The following KDM4C variants were observed in gnomAD, a reference collection of about 807,000 sequenced individuals.
KDM4C encodes the protein lysine-specific demethylase 4C.
A neutral mutation model predicts 129.3 loss-of-function variants in KDM4C; 81 were observed. The ratio of observed to expected loss-of-function variants is 0.63; its 90% CI spans 0.52 to 0.75. KDM4C has a LOEUF of 0.75. KDM4C is among the 30% of genes least tolerant of loss of function. The pLI is 0.00. For missense variants in KDM4C, 1,457 were observed against 1,304.0 expected, an observed-to-expected ratio of 1.12 and a Z score of -1.81; for synonymous variants, 573 against 456.1, an observed-to-expected ratio of 1.26 and a Z score of -3.26.
intron 12 of KDM4C, among the ~76,000 whole-genome samples, chr9:7,003,185 A>G (rs1025990422): frequency 6.6e-6 from 1 of 152,046 alleles, no homozygotes; most frequent in Non-Finnish European, 1.5e-5. Flanking sequence ...AACACTAACA[A>G]CCTCCCAAAA....
At chr9:7,041,988 C>G (rs1381747152) in intron 15 of KDM4C, among the ~76,000 whole-genome samples, 5 of 152,012 alleles carry the variant, frequency 3.3e-5, no homozygotes, top group African/African-American at 9.7e-5. Context: ...TTATTCATCA[C>G]AGATCCATAT....
upstream of KDM4C, chr9:6,757,836 C>T: frequency 5.1e-6 from 5 of 985,634 alleles, no homozygotes; most frequent in South Asian, 1.4e-4. Context: ...CGCCAGCAAG[C>T]CTAAGTTAAC....
At chr9:7,153,738 C>A (rs1437381010) in intron 19 of KDM4C, among the ~76,000 whole-genome samples, 1 of 152,156 alleles carries the variant, frequency 6.6e-6, no homozygotes, top group Non-Finnish European at 1.5e-5. Flanking sequence ...TTAGCCTGTA[C>A]AGAAATTTAG....
intron 2 of KDM4C, among the ~76,000 whole-genome samples, chr9:6,803,100 A>C (rs927246111): frequency 6.6e-6 from 1 of 152,222 alleles, no homozygotes; most frequent in African/African-American, 2.4e-5. Context: ...CTCTTGGGCA[A>C]TAGGGAAGAT....
chr9:7,046,703 G>A (rs1407858), intron 15 of KDM4C, among the ~76,000 whole-genome samples, 159 bp from the exon 16 acceptor site: 17,630 of 151,854 alleles, frequency 0.12, 1,324 homozygotes, highest in African/African-American at 0.19. Flanking sequence ...CCCCTCCGCT[G>A]TCTTTCTTTT....
intron 8 of KDM4C, among the ~76,000 whole-genome samples, chr9:6,927,568 C>T (rs1303375055): frequency 6.6e-6 from 1 of 152,102 alleles, no homozygotes; most frequent in Non-Finnish European, 1.5e-5. Context: ...GGACTTGCTC[C>T]CCAAAAGAAG....
chr9:6,866,932 T>C (rs1345875009), intron 5 of KDM4C, among the ~76,000 whole-genome samples: 2 of 146,848 alleles, frequency 1.4e-5, no homozygotes, highest in Non-Finnish European at 3.0e-5. Flanking sequence ...TAGAAAAATG[T>C]ATGTAAAAAT....
At chr9:6,839,898 A>G (rs962647381) in intron 4 of KDM4C, among the ~76,000 whole-genome samples, 1 of 146,980 alleles carries the variant, frequency 6.8e-6, no homozygotes, top group African/African-American at 2.5e-5. Flanking sequence ...GTGAGACTCC[A>G]TCTCAAAAAA....
rs1226958235 is a variant in KDM4C, at chr9:7,157,487, G to A, written c.2782-7751G>A. 2.6e-5 allele frequency among the ~76,000 whole-genome samples: 4 copies of A among 152,106 alleles called. No individual in the cohort carries two copies. In the East Asian group the frequency reaches 7.7e-4, roughly 29 times the overall value. ...TCCATTCATTATGATATTGGCTGTG[G>A]GTTTGTCATAGATAGCTCTTATTAT... On this transcript the variant is annotated intron_variant, in intron 19 of 21. Coordinates refer to ENST00000381309, the MANE Select transcript of KDM4C (RefSeq NM_015061.6).
intron 4 of KDM4C, chr9:6,835,198 A>G (rs552064483): frequency 5.0e-5 from 46 of 921,804 alleles, no homozygotes; most frequent in Admixed American, 3.4e-4. Flanking sequence ...GGTCATCACC[A>G]TCGGCAACGA....
At chr9:6,847,105 A>G (rs1409436807) in intron 4 of KDM4C, among the ~76,000 whole-genome samples, 1 of 152,198 alleles carries the variant, frequency 6.6e-6, no homozygotes, top group Non-Finnish European at 1.5e-5. Flanking sequence ...TCAGTCAGAA[A>G]TAAAACTTAG....
intron 17 of KDM4C, among the ~76,000 whole-genome samples, chr9:7,065,435 C>T (rs1167472610): frequency 6.6e-6 from 1 of 151,838 alleles, no homozygotes; most frequent in Non-Finnish European, 1.5e-5. Flanking sequence ...CCATCTGTTG[C>T]TTATAATTGA....
intron 4 of KDM4C, among the ~76,000 whole-genome samples, chr9:6,815,718 G>A (rs1052287155): frequency 6.6e-6 from 1 of 152,150 alleles, no homozygotes; most frequent in Non-Finnish European, 1.5e-5. Flanking sequence ...GGATTTTGGA[G>A]CATTTTGGAA....
chr9:6,898,249 C>G (rs988443805), intron 8 of KDM4C, among the ~76,000 whole-genome samples: 1 of 152,154 alleles, frequency 6.6e-6, no homozygotes, highest in Non-Finnish European at 1.5e-5. Flanking sequence ...TCAGCAGCCT[C>G]AAGCACTATG....
intron 8 of KDM4C, among the ~76,000 whole-genome samples, chr9:6,939,266 A>T (rs1825398420): frequency 6.6e-6 from 1 of 151,992 alleles, no homozygotes; most frequent in Non-Finnish European, 1.5e-5. Flanking sequence ...CCTGTTGTGA[A>T]CTGCACATGG....
At chr9:6,771,219 C>T (rs928813544) in intron 1 of KDM4C, among the ~76,000 whole-genome samples, 2 of 151,032 alleles carry the variant, frequency 1.3e-5, no homozygotes, top group African/African-American at 2.4e-5. Flanking sequence ...GTGTGAGCCA[C>T]TGCACCTGGC....
intron 1 of KDM4C, among the ~76,000 whole-genome samples, chr9:6,773,942 T>G (rs916488781): frequency 1.3e-5 from 2 of 152,070 alleles, no homozygotes; most frequent in African/African-American, 4.8e-5. Flanking sequence ...TTTGTTTATT[T>G]ATTTTTGAGA....
chr9:6,757,577 C>G (rs991142690), upstream of KDM4C: 4 of 956,684 alleles, frequency 4.2e-6, no homozygotes, highest in East Asian at 4.6e-4. Flanking sequence ...TCTCGCCAGG[C>G]TCTCCAGTAC....
At chr9:6,966,508 C>G (rs1228915285) in intron 8 of KDM4C, among the ~76,000 whole-genome samples, 2 of 152,162 alleles carry the variant, frequency 1.3e-5, no homozygotes, top group Admixed American at 1.3e-4. Flanking sequence ...TACTGAAGGC[C>G]ACAGCCACTG....
Sources: allele counts gnomAD v4.1 joint callset (sites outside exome capture counted in the v4.1 genomes callset), GRCh38; gene constraint gnomAD v4.1.1; transcripts MANE v1.5; gene names NCBI Gene and HGNC (gene_info 2026-07-23, HGNC 2026-07-21).